CREB3L1: variants seen among roughly 807,000 people sequenced by gnomAD.
The protein encoded by CREB3L1 is cAMP responsive element binding protein 3 like 1, also known as cyclic AMP-responsive element-binding protein 3-like protein 1.
CREB3L1 carries 33 observed loss-of-function variants against 54.5 expected under a neutral mutation model. The ratio of observed to expected loss-of-function variants is 0.61; its 90% CI spans 0.46 to 0.81. CREB3L1 has a LOEUF of 0.81. Among genes scored for constraint, CREB3L1 ranks in the 30% least tolerant of loss-of-function variants. The probability of loss-of-function intolerance (pLI) is 0.00; values close to 1 mark genes in which losing one functional copy is unlikely to be tolerated. For synonymous variants in CREB3L1, 284 were observed against 286.4 expected (o/e 0.99, Z 0.08); for missense variants, 656 against 673.3 (o/e 0.97, Z 0.29).
Position 46,312,450 on chromosome 11 carries a change from A to G in CREB3L1, c.879A>G (p.Arg293=). 6.2e-7 allele frequency: 1 copy of G among 1,613,636 alleles called. No homozygotes were observed. Among genetic ancestry groups the G allele is most frequent in the Non-Finnish European group, 8.5e-7 (1 of 1,179,744 alleles). ...LTKAEEKALK[R]VRRKIKNKIS... ...AAGCCGAGGAGAAGGCCTTGAAGAG[A>G]GTCCGGAGGAAAATCAAGAACAAGG... is the stretch of plus-strand genomic sequence containing the variant. The change falls in exon 6 of 12, where the codon AGA becomes AGG. Residue 293 remains arginine, a synonymous_variant. Coordinates refer to ENST00000621158, the MANE Select transcript of CREB3L1 (RefSeq NM_052854.4).
In CREB3L1 at chr11:46,288,137, C is replaced by T. The variant is rs140105422; in HGVS notation, c.102+9924C>T. Among the ~76,000 whole-genome samples the T allele has an allele frequency of 5.9e-3, 890 of 152,108 alleles. 10 individuals carry two copies. Among genetic ancestry groups the T allele is most frequent in the African/African-American group, 0.021 (852 of 41,524 alleles). ...TCGCTCTGTTGCCCAGGCTGGAATG[C>T]AATGGCGCGACCTCCACTCACTGCA... On this transcript the variant is annotated intron_variant, in intron 1 of 11. Coordinates refer to ENST00000621158, the MANE Select transcript of CREB3L1 (RefSeq NM_052854.4).
intron 2 of CREB3L1, among the ~76,000 whole-genome samples, chr11:46,306,509 A>G (rs959645156): frequency 1.7e-4 from 26 of 150,398 alleles, no homozygotes; most frequent in African/African-American, 6.1e-4. Context: ...GTCTCAATAA[A>G]AAAAAAAAAA....
At chr11:46,316,261 C>T in intron 8 of CREB3L1, 25 bp from the exon 9 acceptor site, 5 of 1,482,260 alleles carry the variant, frequency 3.4e-6, no homozygotes, top group Non-Finnish European at 4.6e-6. Flanking sequence ...CAAAGCCTGC[C>T]AGCTGACTGC....
chr11:46,297,192 G>A (rs1467971954), intron 1 of CREB3L1, among the ~76,000 whole-genome samples: 1 of 152,232 alleles, frequency 6.6e-6, no homozygotes, highest in African/African-American at 2.4e-5. Flanking sequence ...CTCTGCGGAG[G>A]GTGTAGCCAG....
chr11:46,312,430 G>A lies in CREB3L1; in HGVS notation c.859G>A (p.Glu287Lys), dbSNP rs1939499694. The A allele has an allele frequency of 1.2e-6, 2 of 1,613,838 alleles. No individual in the cohort carries two copies. Among genetic ancestry groups the A allele is most frequent in the Non-Finnish European group, 1.7e-6 (2 of 1,179,848 alleles). Residue 287 changes from glutamate to lysine, a missense_variant, in exon 6 of 12, where the codon GAG becomes AAG. This residue lies in a region of CREB3L1 where 77 missense variants were observed against 122.0 expected (regional missense o/e 0.63). Transcript: ENST00000621158. ...CACAAAACTCCCCCTCACCAAAGCC[G>A]AGGAGAAGGCCTTGAAGAGAGTCCG... ...IPTKLPLTKAEEKALKRVRRK... is the reference protein window; with the variant it reads ...IPTKLPLTKAKEKALKRVRRK...
Position 46,278,060 on chromosome 11 carries a change from C to G in CREB3L1, c.-52C>G, listed in dbSNP as rs1938903178. ...AGGAGCTCTGGACTGGGCGCGCCGC[C>G]GCCCTGGAGTGAGGGAAGCCCAGTG... On this transcript the variant is annotated 5_prime_UTR_variant, in exon 1 of 12. Transcript: ENST00000621158. This position sits in a 1 kb window ranked among gnomAD's most constrained non-coding sequence, Gnocchi z 4.2. 1 of 1,196,110 alleles carries G rather than the reference C, an allele frequency of 8.4e-7. No individual in the cohort carries two copies. The highest frequency in any genetic ancestry group is 1.2e-6 in the Non-Finnish European group (1 of 853,384). 74.1% of individuals were successfully genotyped at this position (1,196,110 alleles called of 1,614,324 possible).
intron 1 of CREB3L1, among the ~76,000 whole-genome samples, chr11:46,291,893 G>A (rs1939135648): frequency 6.6e-6 from 1 of 152,204 alleles, no homozygotes; most frequent in Non-Finnish European, 1.5e-5. Context: ...GACAACTCAG[G>A]CCAGGACCGC....
rs755033448 is a variant in CREB3L1, at chr11:46,320,779, C to A, written c.*33C>A. 1.9e-6 allele frequency: 3 copies of A among 1,607,046 alleles called. No individual in the cohort carries two copies. The highest frequency in any genetic ancestry group is 2.5e-6 in the Non-Finnish European group (3 of 1,176,664). ...CAAGACCCAGGACATAGGACGGACC[C>A]CTGGTACCCAGAAGAGGAGTTCTTG... On this transcript the variant is annotated 3_prime_UTR_variant, in exon 12 of 12. Transcript: ENST00000621158.
At chr11:46,291,777 G>C (rs940545378) in intron 1 of CREB3L1, among the ~76,000 whole-genome samples, 1 of 152,190 alleles carries the variant, frequency 6.6e-6, no homozygotes, top group African/African-American at 2.4e-5. Context: ...AGGGATTGGA[G>C]TCAATAGCCT....
chr11:46,293,288 A>C (rs1418270948), intron 1 of CREB3L1, among the ~76,000 whole-genome samples: 1 of 152,210 alleles, frequency 6.6e-6, no homozygotes, highest in Non-Finnish European at 1.5e-5. Flanking sequence ...GAGGTGCCAG[A>C]CACAGCTAAT....
chr11:46,315,356 G>C (rs1939552210), intron 8 of CREB3L1: 1 of 216,246 alleles, frequency 4.6e-6, no homozygotes, highest in Non-Finnish European at 9.3e-6. Context: ...GTGCCCGTTT[G>C]GGTGGAGAGA....
Position 46,320,753 on chromosome 11 carries a change from C to G in CREB3L1, c.*7C>G, listed in dbSNP as rs1939638352. The G allele has an allele frequency of 6.2e-7, 1 of 1,611,516 alleles. No individual in the cohort carries two copies. The highest frequency in any genetic ancestry group is 8.5e-7 in the Non-Finnish European group (1 of 1,178,982). ...CACCATCAAACTCTCCTAGGCCATG[C>G]CAAGACCCAGGACATAGGACGGACC... On this transcript the variant is annotated 3_prime_UTR_variant, in exon 12 of 12. Transcript: ENST00000621158.
chr11:46,306,514 A>T (rs1012585224), intron 2 of CREB3L1, among the ~76,000 whole-genome samples: 1 of 151,826 alleles, frequency 6.6e-6, no homozygotes, highest in Non-Finnish European at 1.5e-5. Context: ...AATAAAAAAA[A>T]AAAAAAAAAT....
rs369868337 is a variant in CREB3L1 at position 46,307,934 on chromosome 11, G to A, written c.450G>A (p.Ala150=). Residue 150 remains alanine (A), a synonymous_variant, in exon 3 of 12, where the codon GCG becomes GCA. Transcript: ENST00000621158. The part of the protein sequence containing the change: ...PLAAPSAMAA[A]AAMATTPLLG... ...CTGCCCCCTCGGCCATGGCTGCCGC[G>A]GCCGCCATGGCCACCACCCCGCTGC... The A allele has an allele frequency of 7.9e-4, 1,238 of 1,563,632 alleles. 4 individuals carry two copies. The highest frequency in any genetic ancestry group is 1.8e-3 in the African/African-American group (129 of 73,220).
intron 1 of CREB3L1, among the ~76,000 whole-genome samples, chr11:46,298,134 C>T (rs960066864): frequency 6.6e-6 from 1 of 152,144 alleles, no homozygotes; most frequent in African/African-American, 2.4e-5. Flanking sequence ...AGCTCGTGTT[C>T]ATCTCCTACT....
At chr11:46,304,862 G>C (rs890710319) in intron 2 of CREB3L1, among the ~76,000 whole-genome samples, 4 of 152,054 alleles carry the variant, frequency 2.6e-5, no homozygotes, top group Non-Finnish European at 4.4e-5. Flanking sequence ...CAGCTCCCAC[G>C]TCTATTTTTA....
At chr11:46,301,295 G>A (rs1036734630) in intron 2 of CREB3L1, among the ~76,000 whole-genome samples, 2 of 152,022 alleles carry the variant, frequency 1.3e-5, no homozygotes, top group East Asian at 1.9e-4. Flanking sequence ...AGCTGAGACC[G>A]CACCACTGCA....
chr11:46,293,951 G>A (rs570655950), intron 1 of CREB3L1, among the ~76,000 whole-genome samples: 9 of 152,288 alleles, frequency 5.9e-5, no homozygotes, highest in South Asian at 2.1e-4. Flanking sequence ...ACCTGACAGC[G>A]TCAGCCTATG....
rs925764462 is a variant in CREB3L1 at position 46,287,924 on chromosome 11, C to T, written c.102+9711C>T. 6.6e-5 allele frequency among the ~76,000 whole-genome samples: 10 copies of T among 150,952 alleles called. 1 individual carries two copies. In the South Asian group the frequency reaches 1.3e-3, roughly 19 times the overall value. ...CCAGGAGGCGGAGGTTGCAGTAAGC[C>T]GAGATCATGCCACTAAACTCCAGCC... On this transcript the variant is annotated intron_variant, in intron 1 of 11. Coordinates refer to ENST00000621158, the MANE Select transcript of CREB3L1 (RefSeq NM_052854.4).
Sources: gnomAD v4.1 joint callset for allele counts (sites outside exome capture counted in the v4.1 genomes callset) on GRCh38, gnomAD v4.1.1 for gene constraint, gnomAD v4.1.1 regional missense constraint, Gnocchi (gnomAD v3.1) non-coding constraint, MANE v1.5 for transcripts, NCBI Gene and HGNC (gene_info 2026-07-23, HGNC 2026-07-21) for gene names.